The following FAP variants were observed in gnomAD, a reference collection of about 807,000 sequenced individuals.
FAP encodes prolyl endopeptidase FAP.
A neutral mutation model predicts 126.5 loss-of-function variants in FAP; 110 were observed. The observed-to-expected ratio is 0.87, with a 90% CI of 0.74 to 1.02. The LOEUF is 1.02. Ranked by LOEUF, FAP falls within the 50% of genes least tolerant of loss-of-function variation. The pLI is 0.00. For synonymous variants in FAP, 334 were observed against 297.3 expected (o/e 1.12, Z -1.27); for missense variants, 919 against 909.2 (o/e 1.01, Z -0.14).
At position 162,217,996 on chromosome 2, in the gene FAP, G is replaced by A; in HGVS notation, c.752C>T (p.Pro251Leu). 1 of 1,573,172 alleles carries A rather than the reference G, an allele frequency of 6.4e-7. No homozygotes were observed. The highest frequency in any genetic ancestry group is 8.6e-7 in the Non-Finnish European group (1 of 1,160,718). ...DEQYPRTINI[P>L]YPKAGAKNPV... ...AAGTATTCAACATACCTTTGGGTAT[G>A]GAATATTTATTGTTCTAGGATATTG... Residue 251 changes from proline (P) to leucine (L), a missense_variant, in exon 9 of 26, where the codon CCA becomes CTA. Physicochemically the swap from Pro to Leu is moderately conservative, Grantham distance 98 (BLOSUM62 -3). Transcript: ENST00000188790.
intron 2 of FAP, among the ~76,000 whole-genome samples, chr2:162,232,758 T>A (rs1419093208): frequency 6.6e-6 from 1 of 152,224 alleles, no homozygotes; most frequent in Non-Finnish European, 1.5e-5. Context: ...GTTATATTAT[T>A]TTAATTAGGG....
In FAP at chr2:162,217,976, T is replaced by A; in HGVS notation, c.762+10A>T. 6.4e-7 allele frequency: 1 copy of A among 1,558,770 alleles called. No homozygotes were observed. Among genetic ancestry groups the A allele is most frequent in the Non-Finnish European group, 8.7e-7 (1 of 1,152,564 alleles). Reference sequence around the variant, plus strand: ...GAAAATGAAAGCATCGCTGAAAGTATTCAACATACCTTTGGGTATGGAATA... The same window carrying A: ...GAAAATGAAAGCATCGCTGAAAGTAATCAACATACCTTTGGGTATGGAATA... On this transcript the variant is annotated intron_variant, in intron 9 of 25. Coordinates refer to ENST00000188790, the MANE Select transcript of FAP (RefSeq NM_004460.5).
At chr2:162,185,897 TA>T (rs1275354455) in intron 20 of FAP, among the ~76,000 whole-genome samples, 1 of 152,190 alleles carries the variant, frequency 6.6e-6, no homozygotes, top group Non-Finnish European at 1.5e-5. Flanking sequence ...GAGTCTATCC[TA>T]TTTAGCTTTT....
chr2:162,224,391 C>A (rs2106284256), intron 5 of FAP, 75 bp downstream of exon 5: 1 of 829,772 alleles, frequency 1.2e-6, no homozygotes, highest in Non-Finnish European at 2.0e-6. Context: ...CTCTTGCTTT[C>A]TCTCACTTTT....
chr2:162,201,742 C>T (rs771120865), intron 14 of FAP, among the ~76,000 whole-genome samples: 7 of 152,132 alleles, frequency 4.6e-5, no homozygotes, highest in South Asian at 2.1e-4. Context: ...CTGTGTCAGG[C>T]GCTGTGCTAA....
chr2:162,228,902 G>A (rs974645030), intron 2 of FAP, among the ~76,000 whole-genome samples: 1 of 152,068 alleles, frequency 6.6e-6, no homozygotes, highest in Non-Finnish European at 1.5e-5. Context: ...TATTCATAGT[G>A]GAACTTATTT....
At chr2:162,185,799 C>T (rs1218184781) in intron 20 of FAP, among the ~76,000 whole-genome samples, 1 of 152,100 alleles carries the variant, frequency 6.6e-6, no homozygotes, top group Non-Finnish European at 1.5e-5. Flanking sequence ...GTATTATAAT[C>T]TCAATTCCCC....
intron 9 of FAP, among the ~76,000 whole-genome samples, chr2:162,216,760 A>G (rs1689174254): frequency 6.6e-6 from 1 of 152,208 alleles, no homozygotes; most frequent in Non-Finnish European, 1.5e-5. Flanking sequence ...GTTTGAATTC[A>G]TCCAAAGAAC....
At position 162,188,311 on chromosome 2, in the gene FAP, T is replaced by A; in HGVS notation, c.1672A>T (p.Ile558Leu). 6.2e-7 allele frequency: 1 copy of A among 1,613,160 alleles called. No individual in the cohort carries two copies. Among genetic ancestry groups the A allele is most frequent in the Non-Finnish European group, 8.5e-7 (1 of 1,179,478 alleles). ...CCTTCCTTACTTGCAAGATAAGATATCCAATTAACAGCAAATACAGACCTT... is the reference window on the plus strand; with the variant it reads ...CCTTCCTTACTTGCAAGATAAGATAACCAATTAACAGCAAATACAGACCTT... Reference protein sequence around the residue: ...SVRSVFAVNWISYLASKEGMV... With the variant: ...SVRSVFAVNWLSYLASKEGMV... The change falls in exon 20 of 26, where the codon ATA becomes TTA. Residue 558 changes from isoleucine to leucine, a missense_variant. Transcript: ENST00000188790.
rs753670799 is a variant in FAP, at chr2:162,218,170, T to C, written c.608-30A>G. On this transcript the variant is annotated intron_variant, in intron 8 of 25. Coordinates refer to ENST00000188790, the MANE Select transcript of FAP (RefSeq NM_004460.5). ...AAAATAAGTACTAGGATATTAACTA[T>C]AATTACATCTTACTCTTAAAATCAT... is the stretch of plus-strand genomic sequence containing the variant. The C allele has an allele frequency of 4.2e-6, 6 of 1,417,714 alleles. No homozygotes were observed. The South Asian group carries it at 8.0e-5, about 19-fold the overall frequency. 87.8% of individuals were successfully genotyped at this position (1,417,714 alleles called of 1,614,324 possible).
intron 17 of FAP, among the ~76,000 whole-genome samples, chr2:162,190,492 A>G (rs1687999893): frequency 6.6e-6 from 1 of 152,086 alleles, no homozygotes; most frequent in Non-Finnish European, 1.5e-5. Context: ...GCTCAGTTAT[A>G]TTTCACACCT....
intron 2 of FAP, among the ~76,000 whole-genome samples, chr2:162,238,059 G>C (rs1174633724): frequency 6.7e-6 from 1 of 149,924 alleles, no homozygotes; most frequent in African/African-American, 2.5e-5. Flanking sequence ...TTTTTTTCTT[G>C]TAAATTTGTT....
chr2:162,206,299 T>C (rs1035290742), intron 12 of FAP, among the ~76,000 whole-genome samples: 5 of 152,226 alleles, frequency 3.3e-5, no homozygotes, highest in Admixed American at 3.3e-4. Context: ...TCAGTTTTAA[T>C]GAGGCCCTTA....
At chr2:162,209,313 T>C (rs1437804761) in intron 12 of FAP, among the ~76,000 whole-genome samples, 1 of 152,158 alleles carries the variant, frequency 6.6e-6, no homozygotes, top group African/African-American at 2.4e-5. Context: ...CTTGTATTAA[T>C]TTTTATTCTT....
Position 162,170,705 on chromosome 2 carries a change from TATTA to T in FAP, c.*270_*273del, listed in dbSNP as rs1246777989. The T allele has an allele frequency of 2.9e-6, 1 of 340,720 alleles. No homozygotes were observed. The highest frequency in any genetic ancestry group is 2.1e-5 in the African/African-American group (1 of 48,228). 21.1% of individuals were successfully genotyped at this position (340,720 alleles called of 1,614,324 possible). A position where few individuals can be genotyped will look rare whatever the true frequency, so the allele number is the denominator to read the frequency against. On this transcript the variant is annotated 3_prime_UTR_variant, in exon 26 of 26. Transcript: ENST00000188790. ...ACAATAGCACTTGAACTTCTGACTT[TATTA>T]TTTTTCTTCAAATGAACAGGTGATA...
intron 21 of FAP, among the ~76,000 whole-genome samples, chr2:162,180,737 A>T (rs1183540816): frequency 2.0e-5 from 3 of 152,224 alleles, no homozygotes; most frequent in Admixed American, 2.0e-4. Context: ...GAAGATTAAG[A>T]CTTGTTTTAA....
At chr2:162,205,758 C>T (rs983230493) in intron 12 of FAP, among the ~76,000 whole-genome samples, 1 of 152,178 alleles carries the variant, frequency 6.6e-6, no homozygotes, top group Non-Finnish European at 1.5e-5. Context: ...GGTGATCCAC[C>T]CGCCTTGGCC....
chr2:162,171,104 G>A, intron 25 of FAP, 24 bp from the exon 26 acceptor site: 1 of 1,588,596 alleles, frequency 6.3e-7, no homozygotes, highest in Non-Finnish European at 8.6e-7. Flanking sequence ...AAAAAAGCTT[G>A]TTTTATTCCT....
chr2:162,229,754 C>G (rs1313554637), intron 2 of FAP, among the ~76,000 whole-genome samples: 3 of 152,110 alleles, frequency 2.0e-5, no homozygotes, highest in Non-Finnish European at 4.4e-5. Context: ...GAAGGTTGGA[C>G]TTGATACTAT....
Sources: allele counts gnomAD v4.1 joint callset (sites outside exome capture counted in the v4.1 genomes callset), GRCh38; gene constraint gnomAD v4.1.1; transcripts MANE v1.5; gene names NCBI Gene and HGNC (gene_info 2026-07-23, HGNC 2026-07-21).